CSMD1: variants seen among roughly 807,000 people sequenced by gnomAD.
CSMD1 encodes CUB and Sushi multiple domains 1, also known as CUB and sushi domain-containing protein 1.
In CSMD1, 213 loss-of-function variants were observed where a neutral mutation model predicts 417.5. The observed-to-expected ratio is 0.51, with a 90% CI of 0.46 to 0.57. The LOEUF is 0.57. CSMD1 is among the 20% of genes least tolerant of loss of function. The probability of loss-of-function intolerance (pLI) is 0.00; values close to 1 mark genes in which losing one functional copy is unlikely to be tolerated. For synonymous variants in CSMD1, 2,862 were observed against 1,736.8 expected (o/e 1.65, Z -16.11); for missense variants, 6,923 against 4,529.7 (o/e 1.53, Z -15.17).
chr8:4,652,995 C>T (rs1381497161), intron 1 of CSMD1, among the ~76,000 whole-genome samples: 2 of 151,998 alleles, frequency 1.3e-5, no homozygotes, highest in African/African-American at 4.8e-5. Flanking sequence ...CACTGCTCAT[C>T]CCCTACTGTG....
intron 10 of CSMD1, among the ~76,000 whole-genome samples, chr8:3,531,086 C>G (rs1585313797): frequency 6.6e-6 from 1 of 151,784 alleles, no homozygotes; most frequent in African/African-American, 2.4e-5. Flanking sequence ...ATCTCAAACT[C>G]CTGACCTCAG....
At chr8:4,070,809 T>G (rs950633997) in intron 3 of CSMD1, among the ~76,000 whole-genome samples, 1 of 152,328 alleles carries the variant, frequency 6.6e-6, no homozygotes, top group African/African-American at 2.4e-5. Flanking sequence ...TCTGATTTTC[T>G]GACTCACCCT....
chr8:4,458,521 T>C (rs1230238899), intron 2 of CSMD1, among the ~76,000 whole-genome samples: 2 of 152,078 alleles, frequency 1.3e-5, no homozygotes, highest in Non-Finnish European at 2.9e-5. Context: ...CTGTATAGTG[T>C]GAAAGAGGTA....
intron 3 of CSMD1, among the ~76,000 whole-genome samples, chr8:4,131,855 C>G (rs998465420): frequency 9.4e-5 from 14 of 149,480 alleles, no homozygotes; most frequent in African/African-American, 3.4e-4. Flanking sequence ...CTCCATCTCC[C>G]AGGTTCACGC....
intron 5 of CSMD1, among the ~76,000 whole-genome samples, chr8:3,987,587 G>T (rs1478239795): frequency 1.3e-5 from 2 of 152,068 alleles, no homozygotes; most frequent in East Asian, 1.9e-4. Flanking sequence ...TTAATTCCTC[G>T]TTCTTCTCAC....
intron 3 of CSMD1, among the ~76,000 whole-genome samples, chr8:4,147,788 C>A (rs542755343): frequency 6.6e-6 from 1 of 152,170 alleles, no homozygotes; most frequent in East Asian, 1.9e-4. Flanking sequence ...CAGAGCCTGA[C>A]CCAATGTGCC....
chr8:4,032,413 T>A (rs1238177876), intron 3 of CSMD1, among the ~76,000 whole-genome samples: 3 of 150,606 alleles, frequency 2.0e-5, no homozygotes. Context: ...AAATTCTACT[T>A]ACTCCTATAG....
intron 5 of CSMD1, among the ~76,000 whole-genome samples, chr8:3,812,911 T>G (rs990713066): frequency 1.3e-5 from 2 of 152,166 alleles, no homozygotes; most frequent in Non-Finnish European, 2.9e-5. Flanking sequence ...GCTGTGATAA[T>G]GTGTTTTGTC....
intron 8 of CSMD1, among the ~76,000 whole-genome samples, chr8:3,611,585 A>G (rs1563198500): frequency 2.0e-5 from 3 of 152,222 alleles, no homozygotes; most frequent in Admixed American, 2.0e-4. Flanking sequence ...CATTAGTAAT[A>G]AAATTGTAAT....
chr8:4,448,144 C>T (rs1043187121), intron 2 of CSMD1, among the ~76,000 whole-genome samples: 6 of 152,108 alleles, frequency 3.9e-5, no homozygotes, highest in South Asian at 2.1e-4. Context: ...CAATGTGTAT[C>T]GCTCGTATCA....
At chr8:3,762,218 C>A (rs532143001) in intron 5 of CSMD1, among the ~76,000 whole-genome samples, 1 of 152,098 alleles carries the variant, frequency 6.6e-6, no homozygotes, top group African/African-American at 2.4e-5. Flanking sequence ...CCCCATGTGC[C>A]CTCCTGACTC....
intron 3 of CSMD1, among the ~76,000 whole-genome samples, chr8:4,044,979 G>C (rs1010211774): frequency 6.6e-6 from 1 of 152,340 alleles, no homozygotes; most frequent in East Asian, 1.9e-4. Flanking sequence ...GTTCACGGAG[G>C]AGTTTCTACT....
intron 5 of CSMD1, among the ~76,000 whole-genome samples, chr8:3,984,658 T>G (rs1814168621): frequency 6.8e-6 from 1 of 146,450 alleles, no homozygotes; most frequent in Non-Finnish European, 1.5e-5. Flanking sequence ...TACTTGTGTT[T>G]TATGAAAACA....
At chr8:4,119,361 C>T (rs778831920) in intron 3 of CSMD1, among the ~76,000 whole-genome samples, 1 of 152,112 alleles carries the variant, frequency 6.6e-6, no homozygotes, top group Non-Finnish European at 1.5e-5. Flanking sequence ...GCTAAGTGAA[C>T]ATTTTTTAAA....
At chr8:4,246,550 TGAGGGTTTTC>T (rs1802721126) in intron 3 of CSMD1, among the ~76,000 whole-genome samples, 1 of 152,214 alleles carries the variant, frequency 6.6e-6, no homozygotes, top group Non-Finnish European at 1.5e-5. Flanking sequence ...AGATGTTTCA[TGAGGGTTTTC>T]TTTAAAATAA....
chr8:4,143,543 T>G (rs1194256831), intron 3 of CSMD1, among the ~76,000 whole-genome samples: 2 of 150,988 alleles, frequency 1.3e-5, no homozygotes, highest in East Asian at 3.9e-4. Flanking sequence ...AAATCTATAT[T>G]GTATACTTGT....
chr8:4,381,500 T>G (rs1342323080), intron 3 of CSMD1, among the ~76,000 whole-genome samples: 1 of 152,062 alleles, frequency 6.6e-6, no homozygotes, highest in Non-Finnish European at 1.5e-5. Context: ...GGCCTATAAT[T>G]TGGACAAAAC....
At chr8:4,113,782 T>C (rs1801986048) in intron 3 of CSMD1, among the ~76,000 whole-genome samples, 1 of 152,184 alleles carries the variant, frequency 6.6e-6, no homozygotes, top group Admixed American at 6.5e-5. Flanking sequence ...TTTCAAGTTA[T>C]CTGCATAAAA....
At chr8:4,125,499 C>T (rs1030108307) in intron 3 of CSMD1, among the ~76,000 whole-genome samples, 1 of 152,214 alleles carries the variant, frequency 6.6e-6, no homozygotes, top group Non-Finnish European at 1.5e-5. Flanking sequence ...GCACTGGGTA[C>T]ACGTCGGCCG....
Sources: allele counts gnomAD v4.1 joint callset (sites outside exome capture counted in the v4.1 genomes callset), GRCh38; gene constraint gnomAD v4.1.1; transcripts MANE v1.5; gene names NCBI Gene and HGNC (gene_info 2026-07-23, HGNC 2026-07-21).